Variants in RBM6 observed in about 807,000 individuals in gnomAD.
The protein encoded by RBM6 is RNA-binding protein 6.
A neutral mutation model predicts 140.4 loss-of-function variants in RBM6; 23 were observed. That is an observed-to-expected ratio of 0.16 (90% confidence interval 0.12 to 0.23). The LOEUF (loss-of-function observed/expected upper bound fraction) is 0.23, where lower values mean the gene tolerates loss of function less well. Ranked by LOEUF, RBM6 falls within the 10% of genes least tolerant of loss-of-function variation. RBM6 has a pLI of 1.00. For missense variants in RBM6, 1,139 were observed against 1,386.7 expected (o/e 0.82, Z 2.84); for synonymous variants, 439 against 475.6 (o/e 0.92, Z 1.00).
intron 1 of RBM6, among the ~76,000 whole-genome samples, chr3:49,952,346 A>G (rs1169162694): frequency 6.6e-6 from 1 of 151,046 alleles, no homozygotes; most frequent in East Asian, 2.0e-4. Flanking sequence ...TTGTATTTTT[A>G]ATAGAGACAG....
chr3:50,052,251 G>A (rs1162550287), intron 7 of RBM6, among the ~76,000 whole-genome samples: 1 of 152,134 alleles, frequency 6.6e-6, no homozygotes, highest in Non-Finnish European at 1.5e-5. Context: ...TTTTAATAGA[G>A]ATGAGGTTTC....
chr3:50,025,966 C>T (rs564648109), intron 6 of RBM6, among the ~76,000 whole-genome samples: 1 of 152,094 alleles, frequency 6.6e-6, no homozygotes, highest in African/African-American at 2.4e-5. Flanking sequence ...TGGTGGCAGA[C>T]GCCTGTAATC....
At chr3:50,052,936 A>G (rs1352361018) in intron 7 of RBM6, among the ~76,000 whole-genome samples, 1 of 151,434 alleles carries the variant, frequency 6.6e-6, no homozygotes, top group Admixed American at 6.6e-5. Flanking sequence ...GGAGAGAGGA[A>G]GTATACTCAC....
intron 5 of RBM6, among the ~76,000 whole-genome samples, chr3:49,991,081 C>G (rs1324470657): frequency 2.6e-5 from 4 of 152,176 alleles, no homozygotes; most frequent in African/African-American, 7.2e-5. Context: ...TTCCCACAGT[C>G]TACCCCTTCA....
intron 6 of RBM6, among the ~76,000 whole-genome samples, chr3:50,002,488 C>G (rs1442907104): frequency 6.6e-6 from 1 of 152,082 alleles, no homozygotes; most frequent in Non-Finnish European, 1.5e-5. Context: ...TCTGGAACTC[C>G]TGACCTCAGG....
At chr3:50,035,441 G>C (rs1193023267) in intron 6 of RBM6, among the ~76,000 whole-genome samples, 1 of 152,052 alleles carries the variant, frequency 6.6e-6, no homozygotes, top group African/African-American at 2.4e-5. Context: ...TCAGCACTTT[G>C]GGAGGCCGAG....
intron 6 of RBM6, among the ~76,000 whole-genome samples, chr3:50,039,325 C>T (rs557559985): frequency 1.1e-3 from 174 of 152,220 alleles, no homozygotes; most frequent in Non-Finnish European, 1.6e-3. Flanking sequence ...CTGCAACCTC[C>T]ACCTCCCAGG....
intron 5 of RBM6, among the ~76,000 whole-genome samples, chr3:49,980,835 A>G (rs895279698): frequency 3.9e-5 from 6 of 151,904 alleles, no homozygotes; most frequent in East Asian, 1.9e-4. Flanking sequence ...TATTATTGCA[A>G]TTTTTTTGTA....
intron 7 of RBM6, 41 bp from the exon 8 acceptor site, chr3:50,054,294 A>T (rs780681089): frequency 4.6e-6 from 7 of 1,531,186 alleles, no homozygotes; most frequent in Middle Eastern, 1.7e-4. Flanking sequence ...TAAGATTTTT[A>T]AAAATGTTTT....
chr3:50,021,841 A>G (rs1162521103), intron 6 of RBM6, among the ~76,000 whole-genome samples: 1 of 125,352 alleles, frequency 8.0e-6, no homozygotes, highest in Non-Finnish European at 1.6e-5. Context: ...CAACCTCTCT[A>G]CCTCCTGGGT....
chr3:50,020,731 C>G (rs1362759356), intron 6 of RBM6, among the ~76,000 whole-genome samples: 1 of 152,140 alleles, frequency 6.6e-6, no homozygotes, highest in African/African-American at 2.4e-5. Flanking sequence ...ATCATTTAGC[C>G]TATTGCTCCT....
chr3:49,980,780 A>T (rs2085273448), intron 5 of RBM6, among the ~76,000 whole-genome samples: 1 of 150,956 alleles, frequency 6.6e-6, no homozygotes, highest in Non-Finnish European at 1.5e-5. Flanking sequence ...AAAAAAAAAA[A>T]GTTGAACCTG....
chr3:49,957,835 C>CTTTTT (rs367565471), intron 1 of RBM6, among the ~76,000 whole-genome samples: 2 of 143,526 alleles, frequency 1.4e-5, no homozygotes. Flanking sequence ...ATCTTTCTTT[C>CTTTTT]TTTTTTTTTT....
chr3:49,999,385 T>A (rs1327552856), intron 5 of RBM6, 55 bp from the exon 6 acceptor site: 4 of 1,456,250 alleles, frequency 2.7e-6, no homozygotes. Context: ...AGTGTGTCTT[T>A]TGTGTTTGCA....
At position 50,076,097 on chromosome 3, in the gene RBM6, T is replaced by C. The variant is rs183081287; in HGVS notation, c.3246+767T>C. ...AATTCTCCCACCCCAACCTCCTGAG[T>C]AGCTGGGATTACAGGTGCATACCAC... is the stretch of plus-strand genomic sequence containing the variant. On this transcript the variant is annotated intron_variant, in intron 20 of 20. Transcript: ENST00000266022. Among the ~76,000 whole-genome samples, 8 of 151,864 alleles carry C rather than the reference T, an allele frequency of 5.3e-5. 1 individual carries two copies. In the South Asian group the frequency reaches 6.2e-4, roughly 12 times the overall value.
intron 10 of RBM6, 103 bp from the exon 11 acceptor site, chr3:50,059,546 T>C: frequency 2.2e-6 from 2 of 922,052 alleles, no homozygotes; most frequent in Non-Finnish European, 3.3e-6. Flanking sequence ...ATTTATCCTC[T>C]GAGAAGGAAA....
Position 50,057,888 on chromosome 3 carries a change from A to G in RBM6, c.1854A>G (p.Gln618=), listed in dbSNP as rs770294083. ...GCCAAGAGTCACGCTTAGGACATCA[A>G]AAGAGAGAAGCAGAAAGGTATCTGC... ...EEGQESRLGH[Q]KREAERYLPP... is the part of the protein sequence containing the mutation. The change falls in exon 9 of 21, where the codon CAA becomes CAG. Residue 618 remains glutamine (Q), a synonymous_variant. Coordinates refer to ENST00000266022, the MANE Select transcript of RBM6 (RefSeq NM_005777.3). 3.7e-6 allele frequency: 6 copies of G among 1,614,168 alleles called. No individual in the cohort carries two copies. The highest frequency in any genetic ancestry group is 5.1e-6 in the Non-Finnish European group (6 of 1,180,036).
intron 1 of RBM6, among the ~76,000 whole-genome samples, chr3:49,941,370 A>G (rs936315995): frequency 6.6e-6 from 1 of 152,066 alleles, no homozygotes; most frequent in Non-Finnish European, 1.5e-5. Flanking sequence ...ATAGAATTCT[A>G]TTACCAGGCC....
chr3:49,990,236 A>G (rs2085758485), intron 5 of RBM6, among the ~76,000 whole-genome samples: 1 of 152,222 alleles, frequency 6.6e-6, no homozygotes, highest in Admixed American at 6.5e-5. Flanking sequence ...ACTAGATGTT[A>G]TAGCCTACTA....
Sources: allele counts gnomAD v4.1 joint callset (sites outside exome capture counted in the v4.1 genomes callset), GRCh38; gene constraint gnomAD v4.1.1; transcripts MANE v1.5; gene names NCBI Gene and HGNC (gene_info 2026-07-23, HGNC 2026-07-21).